TMC1: variants seen among roughly 807,000 people sequenced by gnomAD.
TMC1 encodes the protein transmembrane channel-like protein 1.
In TMC1, 84 loss-of-function variants were observed where a neutral mutation model predicts 105.8. The ratio of observed to expected loss-of-function variants is 0.79; its 90% CI spans 0.67 to 0.95. The LOEUF (loss-of-function observed/expected upper bound fraction) is 0.95. Among genes scored for constraint, TMC1 ranks in the 40% least tolerant of loss-of-function variants. The probability of loss-of-function intolerance (pLI) is 0.00; values close to 1 mark genes in which losing one functional copy is unlikely to be tolerated. For missense variants in TMC1, 817 were observed against 914.1 expected, an observed-to-expected ratio of 0.89 and a Z score of 1.37; for synonymous variants, 315 against 311.5, an observed-to-expected ratio of 1.01 and a Z score of -0.12.
chr9:72,679,174 T>C (rs1335760841), intron 5 of TMC1, among the ~76,000 whole-genome samples: 1 of 152,136 alleles, frequency 6.6e-6, no homozygotes, highest in Admixed American at 6.6e-5. Context: ...TTTTCTCATA[T>C]TTACACCGAT....
chr9:72,712,048 T>G (rs1356262106), intron 8 of TMC1, among the ~76,000 whole-genome samples: 1 of 152,202 alleles, frequency 6.6e-6, no homozygotes, highest in Non-Finnish European at 1.5e-5. Context: ...TTGTTTGTTT[T>G]TGTCAGGTTT....
chr9:72,638,416 A>G (rs1262025057), intron 4 of TMC1, among the ~76,000 whole-genome samples: 1 of 152,002 alleles, frequency 6.6e-6, no homozygotes, highest in Non-Finnish European at 1.5e-5. Context: ...CTAATTCCAA[A>G]TCTGTCTGGA....
chr9:72,806,954 T>A (rs985362174), intron 18 of TMC1, among the ~76,000 whole-genome samples: 1 of 152,182 alleles, frequency 6.6e-6, no homozygotes, highest in African/African-American at 2.4e-5. Context: ...ATCACGCCAC[T>A]GCACTCCAGC....
chr9:72,820,691 C>A (rs1189835479), intron 19 of TMC1, 151 bp from the exon 20 acceptor site: 10 of 888,548 alleles, frequency 1.1e-5, no homozygotes, highest in Non-Finnish European at 1.8e-5. Flanking sequence ...TAGATAAGTG[C>A]AGTTTCTTTA....
intron 4 of TMC1, among the ~76,000 whole-genome samples, chr9:72,639,357 G>A (rs187906710): frequency 3.3e-5 from 5 of 151,964 alleles, no homozygotes; most frequent in South Asian, 2.1e-4. Flanking sequence ...TTTGAAACAC[G>A]GCCCACACAA....
chr9:72,682,687 T>G (rs1167852024), intron 5 of TMC1, among the ~76,000 whole-genome samples: 1 of 152,234 alleles, frequency 6.6e-6, no homozygotes, highest in Non-Finnish European at 1.5e-5. Flanking sequence ...GCTTCTGTTG[T>G]CTACTTCACA....
intron 1 of TMC1, among the ~76,000 whole-genome samples, chr9:72,537,488 A>G (rs986538110): frequency 3.3e-5 from 5 of 152,204 alleles, no homozygotes; most frequent in African/African-American, 7.2e-5. Context: ...ATTTGCTGCC[A>G]TATCTAGTTT....
At chr9:72,712,007 A>T (rs1283553341) in intron 8 of TMC1, among the ~76,000 whole-genome samples, 1 of 152,138 alleles carries the variant, frequency 6.6e-6, no homozygotes, top group Non-Finnish European at 1.5e-5. Context: ...TTTTCCCAAC[A>T]CCATTTATTG....
At chr9:72,713,235 C>CT (rs1211543190) in intron 8 of TMC1, among the ~76,000 whole-genome samples, 1 of 151,996 alleles carries the variant, frequency 6.6e-6, no homozygotes, top group African/African-American at 2.4e-5. Context: ...CTGAAATTTT[C>CT]TTTTTTTGTT....
intron 12 of TMC1, among the ~76,000 whole-genome samples, chr9:72,757,777 T>C (rs1433926794): frequency 6.6e-6 from 1 of 152,190 alleles, no homozygotes; most frequent in Non-Finnish European, 1.5e-5. Flanking sequence ...TTTAAGAGTT[T>C]AGATTTTTTT....
At chr9:72,717,701 T>C (rs1056433318) in intron 8 of TMC1, among the ~76,000 whole-genome samples, 12 of 152,218 alleles carry the variant, frequency 7.9e-5, no homozygotes, top group African/African-American at 2.9e-4. Context: ...GGCTACCTGG[T>C]GCTTTTGCCT....
chr9:72,803,462 A>G (rs897664350), intron 17 of TMC1, among the ~76,000 whole-genome samples: 1 of 152,222 alleles, frequency 6.6e-6, no homozygotes. Flanking sequence ...AGAATGGGAG[A>G]AAATTTTTGC....
chr9:72,662,030 G>A (rs1285887758), intron 5 of TMC1, among the ~76,000 whole-genome samples: 2 of 152,174 alleles, frequency 1.3e-5, no homozygotes, highest in Admixed American at 1.3e-4. Flanking sequence ...TTTGCCAACA[G>A]AAGGAAAAAC....
chr9:72,816,052 T>C lies in TMC1; in HGVS notation c.1696-91T>C, dbSNP rs990370205. Reference sequence around the variant, plus strand: ...TGCTATTGTTGCTGAAGGGAAGTAATTGAAACCCTAGCCATGCCTATGCAG... The same window carrying C: ...TGCTATTGTTGCTGAAGGGAAGTAACTGAAACCCTAGCCATGCCTATGCAG... On this transcript the variant is annotated intron_variant, in intron 18 of 23. Transcript: ENST00000297784. 2.0e-5 allele frequency: 23 copies of C among 1,124,404 alleles called. No individual in the cohort carries two copies. The African/African-American group carries it at 3.1e-4, about 15-fold the overall frequency. 69.7% of individuals were successfully genotyped at this position (1,124,404 alleles called of 1,614,324 possible). A position where few individuals can be genotyped will look rare whatever the true frequency, so the allele number is the denominator to read the frequency against.
chr9:72,560,071 G>A (rs7854607), intron 1 of TMC1, among the ~76,000 whole-genome samples: 80,567 of 152,018 alleles, frequency 0.53, 22,429 homozygotes, highest in African/African-American at 0.71. Flanking sequence ...TAATAGTTGC[G>A]TCTGATAACC....
intron 5 of TMC1, among the ~76,000 whole-genome samples, chr9:72,682,853 C>A (rs1461273220): frequency 1.3e-5 from 2 of 152,168 alleles, no homozygotes; most frequent in African/African-American, 4.8e-5. Context: ...TGGCTGCTTT[C>A]TGCTCTCCAG....
chr9:72,816,293 G>A, intron 19 of TMC1, 83 bp downstream of exon 19: 1 of 1,337,584 alleles, frequency 7.5e-7, no homozygotes, highest in Non-Finnish European at 1.1e-6. Context: ...CCTGGTGTTA[G>A]AGGAGAATAC....
At chr9:72,624,923 C>A (rs891872175) in intron 3 of TMC1, among the ~76,000 whole-genome samples, 1 of 152,102 alleles carries the variant, frequency 6.6e-6, no homozygotes, top group South Asian at 2.1e-4. Flanking sequence ...ACAAATTGTA[C>A]CTAGGAAAAG....
chr9:72,613,354 G>A (rs1587989226), intron 2 of TMC1, among the ~76,000 whole-genome samples: 1 of 151,970 alleles, frequency 6.6e-6, no homozygotes, highest in African/African-American at 2.4e-5. Context: ...TTCAACTCCC[G>A]AACTCAGATG....
Sources: gnomAD v4.1 joint callset for allele counts (sites outside exome capture counted in the v4.1 genomes callset) on GRCh38, gnomAD v4.1.1 for gene constraint, MANE v1.5 for transcripts, NCBI Gene and HGNC (gene_info 2026-07-23, HGNC 2026-07-21) for gene names.